RAPGEF4: variants seen among roughly 807,000 people sequenced by gnomAD.
RAPGEF4 encodes Rap guanine nucleotide exchange factor 4.
In RAPGEF4, 66 loss-of-function variants were observed where a neutral mutation model predicts 147.9. The observed-to-expected ratio is 0.45, with a 90% confidence interval of 0.37 to 0.55. The LOEUF (loss-of-function observed/expected upper bound fraction) is 0.55. Among genes scored for constraint, RAPGEF4 ranks in the 20% least tolerant of loss-of-function variants. The pLI is 0.00. For synonymous variants in RAPGEF4, 419 were observed against 442.7 expected (o/e 0.95, Z 0.67); for missense variants, 1,071 against 1,257.3 (o/e 0.85, Z 2.24).
At chr2:172,962,708 T>G (rs764913030) in intron 8 of RAPGEF4, among the ~76,000 whole-genome samples, 14 of 152,122 alleles carry the variant, frequency 9.2e-5, no homozygotes, top group Middle Eastern at 3.2e-3. Context: ...AGATGAGACT[T>G]GAGAAAGTGC....
chr2:172,866,873 T>A (rs1358900653), intron 4 of RAPGEF4, among the ~76,000 whole-genome samples: 5 of 152,138 alleles, frequency 3.3e-5, no homozygotes, highest in African/African-American at 1.2e-4. Flanking sequence ...GTGTTTATAG[T>A]GTAAACTTTA....
At chr2:172,931,959 T>C (rs1324449859) in intron 6 of RAPGEF4, among the ~76,000 whole-genome samples, 1 of 151,980 alleles carries the variant, frequency 6.6e-6, no homozygotes, top group African/African-American at 2.4e-5. Context: ...CCGCCACTCC[T>C]CACACCCCTT....
intron 4 of RAPGEF4, among the ~76,000 whole-genome samples, chr2:172,899,542 C>T (rs1698852511): frequency 6.6e-6 from 1 of 152,106 alleles, no homozygotes; most frequent in South Asian, 2.1e-4. Flanking sequence ...TCCCAGAAAA[C>T]CTAGTTACAG....
intron 23 of RAPGEF4, among the ~76,000 whole-genome samples, chr2:173,024,006 T>C (rs1696383598): frequency 6.6e-6 from 1 of 152,190 alleles, no homozygotes; most frequent in African/African-American, 2.4e-5. Context: ...CTGGTTGAAA[T>C]CATTCTCCTC....
intron 10 of RAPGEF4, among the ~76,000 whole-genome samples, chr2:172,979,354 G>A (rs542714122): frequency 5.3e-5 from 8 of 152,240 alleles, no homozygotes; most frequent in South Asian, 2.1e-4. Context: ...ATGAGAACTC[G>A]TGTGTTCACT....
chr2:172,797,990 T>C lies in RAPGEF4; in HGVS notation c.297+377T>C, dbSNP rs145671082. ...TCCTCTTGGATCCTTTCTCCATCTT[T>C]GTATCTTGAATTTTCTTTGTCCTAG... On this transcript the variant is annotated intron_variant, in intron 3 of 30. Coordinates refer to ENST00000397081, the MANE Select transcript of RAPGEF4 (RefSeq NM_007023.4). Among the ~76,000 whole-genome samples, 115 of 152,340 alleles carry C rather than the reference T, an allele frequency of 7.5e-4. 1 individual carries two copies. The highest frequency in any genetic ancestry group is 2.5e-3 in the African/African-American group (102 of 41,584).
In RAPGEF4 at chr2:173,051,876, C is replaced by G; in HGVS notation, c.*109C>G. ...CCACTAGAGAATTCTACAAAACAAG[C>G]AAAAACACATCCTGAGACACCTCAG... On this transcript the variant is annotated 3_prime_UTR_variant, in exon 31 of 31. Coordinates refer to ENST00000397081, the MANE Select transcript of RAPGEF4 (RefSeq NM_007023.4). The G allele has an allele frequency of 7.5e-7, 1 of 1,333,616 alleles. No individual in the cohort carries two copies. The highest frequency in any genetic ancestry group is 1.0e-6 in the Non-Finnish European group (1 of 960,036). The allele number at this position is 1,333,616 out of a possible 1,614,324, so 82.6% of individuals were successfully genotyped here. A position where few individuals can be genotyped will look rare whatever the true frequency, so the allele number is the denominator to read the frequency against.
At chr2:172,846,320 A>G (rs114944125) in intron 4 of RAPGEF4, among the ~76,000 whole-genome samples, 1,836 of 152,246 alleles carry the variant, frequency 0.012, 35 homozygotes, top group African/African-American at 0.04. Context: ...TGGACATTTC[A>G]TAGAAGTGAA....
At chr2:173,001,389 AC>A (rs11320644) in intron 17 of RAPGEF4, 45 bp downstream of exon 17, 97,909 of 1,609,572 alleles carry the variant, frequency 0.061, 4,044 homozygotes, top group South Asian at 0.16. Flanking sequence ...CTCGAAGACA[AC>A]CCCCCCTATC....
At chr2:172,904,866 G>A (rs751370777) in intron 4 of RAPGEF4, among the ~76,000 whole-genome samples, 6 of 151,752 alleles carry the variant, frequency 4.0e-5, no homozygotes, top group Non-Finnish European at 7.4e-5. Context: ...CAGGCAGGGC[G>A]ATCTTTTAAA....
Position 172,818,371 on chromosome 2 carries a change from T to C in RAPGEF4, c.444+3946T>C, listed in dbSNP as rs1385711204. Among the ~76,000 whole-genome samples, 49 of 152,074 alleles carry C rather than the reference T, an allele frequency of 3.2e-4. 1 individual carries two copies. Among genetic ancestry groups the C allele is most frequent in the Admixed American group, 3.1e-3 (48 of 15,270 alleles). On this transcript the variant is annotated intron_variant, in intron 4 of 30. Coordinates refer to ENST00000397081, the MANE Select transcript of RAPGEF4 (RefSeq NM_007023.4). ...AGAAAAAACACTAAAATATATATCA[T>C]GCAAATATAAAAAGAAAGCAGCAGC...
At chr2:172,819,458 G>GTTTTT (rs1553514342) in intron 4 of RAPGEF4, among the ~76,000 whole-genome samples, 4 of 79,696 alleles carry the variant, frequency 5.0e-5, no homozygotes, top group Admixed American at 1.4e-4. Context: ...ACCATTTTTA[G>GTTTTT]TTCTTTTTTT....
rs776636258 is a variant in RAPGEF4, at chr2:173,020,629, C to T, written c.2167C>T (p.Leu723Phe). 8 of 1,612,792 alleles carry T rather than the reference C, an allele frequency of 5.0e-6. No homozygotes were observed. In the South Asian group the frequency reaches 8.8e-5, roughly 18 times the overall value. The change falls in exon 23 of 31, where the codon CTC becomes TTC. Residue 723 changes from leucine (L) to phenylalanine (F), a missense_variant. Transcript: ENST00000397081. ...KMSSGGEKVV[L>F]KPNDVSVFTT... The stretch of plus-strand genomic sequence containing the variant: ...TTTTATGTTCACAGAAAAGGTGGTG[C>T]TCAAACCTAATGATGTTTCAGTATT...
intron 17 of RAPGEF4, among the ~76,000 whole-genome samples, chr2:173,008,996 G>A (rs1213504949): frequency 6.6e-6 from 1 of 152,198 alleles, no homozygotes; most frequent in Non-Finnish European, 1.5e-5. Flanking sequence ...AAGCCTCACT[G>A]CAAACAGATC....
chr2:172,749,345 G>A (rs142780835), intron 1 of RAPGEF4, among the ~76,000 whole-genome samples: 240 of 152,342 alleles, frequency 1.6e-3, no homozygotes, highest in Non-Finnish European at 2.8e-3. Flanking sequence ...AAATCTAGGA[G>A]GAAGTTTCCA....
At chr2:172,986,285 G>A (rs1692242064) in intron 12 of RAPGEF4, among the ~76,000 whole-genome samples, 1 of 152,200 alleles carries the variant, frequency 6.6e-6, no homozygotes, top group South Asian at 2.1e-4. Flanking sequence ...TACTTCCTGA[G>A]CCTAATGACA....
chr2:172,892,189 C>T (rs2149908406), intron 4 of RAPGEF4, among the ~76,000 whole-genome samples: 1 of 152,300 alleles, frequency 6.6e-6, no homozygotes. Context: ...CAGATGCTTG[C>T]CCGTTCCCCT....
intron 26 of RAPGEF4, among the ~76,000 whole-genome samples, chr2:173,031,872 T>C: frequency 6.6e-6 from 1 of 152,142 alleles, no homozygotes; most frequent in South Asian, 2.1e-4. Context: ...GGAGATTTCA[T>C]TCCTAAGCAC....
intron 4 of RAPGEF4, among the ~76,000 whole-genome samples, chr2:172,861,509 C>T (rs552891042): frequency 6.6e-6 from 1 of 152,220 alleles, no homozygotes; most frequent in African/African-American, 2.4e-5. Context: ...GAATGCTATA[C>T]CAGGAAGATG....
Sources: gnomAD v4.1 joint callset for allele counts (sites outside exome capture counted in the v4.1 genomes callset) on GRCh38, gnomAD v4.1.1 for gene constraint, MANE v1.5 for transcripts, NCBI Gene and HGNC (gene_info 2026-07-23, HGNC 2026-07-21) for gene names.